CHCHD3: variants seen among roughly 807,000 people sequenced by gnomAD.
CHCHD3 encodes MICOS complex subunit MIC19.
In CHCHD3, 20 loss-of-function variants were observed where a neutral mutation model predicts 38.2. That is an observed-to-expected ratio of 0.52 (90% CI 0.37 to 0.76). CHCHD3 has a LOEUF of 0.76. CHCHD3 is among the 30% of genes least tolerant of loss of function. The pLI is 0.00. For synonymous variants in CHCHD3, 82 were observed against 100.0 expected, an observed-to-expected ratio of 0.82 and a Z score of 1.07; for missense variants, 245 against 279.2, an observed-to-expected ratio of 0.88 and a Z score of 0.87.
intron 4 of CHCHD3, among the ~76,000 whole-genome samples, chr7:132,894,709 T>C (rs967008936): frequency 3.9e-5 from 6 of 152,220 alleles, no homozygotes; most frequent in African/African-American, 1.4e-4. Context: ...TGAACTGCAC[T>C]GAGGGCAAGA....
intron 2 of CHCHD3, among the ~76,000 whole-genome samples, chr7:133,047,741 T>C (rs1240144950): frequency 2.6e-5 from 4 of 152,184 alleles, no homozygotes; most frequent in Admixed American, 2.6e-4. Flanking sequence ...AAAGGAGAGA[T>C]ACAGATAATC....
chr7:133,052,308 T>C (rs1486960706), intron 2 of CHCHD3, among the ~76,000 whole-genome samples: 1 of 151,934 alleles, frequency 6.6e-6, no homozygotes, highest in Non-Finnish European at 1.5e-5. Flanking sequence ...TACTAAATCC[T>C]CCCTCCCTCC....
Position 133,015,010 on chromosome 7 carries a change from C to T in CHCHD3, c.251+9536G>A, listed in dbSNP as rs141345698. ...CTGAACTCATGAGAAATTTAAACTG[C>T]CATTGTCACTGAAAATGTGCACAAA... On this transcript the variant is annotated intron_variant, in intron 3 of 7. Coordinates refer to ENST00000262570, the MANE Select transcript of CHCHD3 (RefSeq NM_017812.4). 5.1e-3 allele frequency among the ~76,000 whole-genome samples: 782 copies of T among 152,260 alleles called. 5 individuals are homozygous for T. Among genetic ancestry groups the T allele is most frequent in the South Asian group, 0.028 (135 of 4,824 alleles).
chr7:132,813,148 T>G (rs1166395717), intron 6 of CHCHD3, among the ~76,000 whole-genome samples: 1 of 152,188 alleles, frequency 6.6e-6, no homozygotes, highest in East Asian at 1.9e-4. Flanking sequence ...TGCTCAAACC[T>G]TTCCCCCTGA....
intron 6 of CHCHD3, among the ~76,000 whole-genome samples, chr7:132,818,869 C>G (rs894484896): frequency 1.3e-5 from 2 of 152,048 alleles, no homozygotes; most frequent in South Asian, 4.1e-4. Flanking sequence ...CTATTGATAC[C>G]GTCAAGAGAA....
At chr7:132,954,126 G>A (rs1457897189) in intron 4 of CHCHD3, among the ~76,000 whole-genome samples, 1 of 152,136 alleles carries the variant, frequency 6.6e-6, no homozygotes, top group African/African-American at 2.4e-5. Context: ...GGACAGGCAG[G>A]AGGGTTAGGG....
chr7:133,021,740 G>A (rs1813183620), intron 3 of CHCHD3, among the ~76,000 whole-genome samples: 1 of 152,150 alleles, frequency 6.6e-6, no homozygotes, highest in Admixed American at 6.5e-5. Context: ...TGTTACAACT[G>A]TGTCATGGGA....
chr7:133,013,188 A>AG, intron 3 of CHCHD3, among the ~76,000 whole-genome samples: 1 of 135,518 alleles, frequency 7.4e-6, no homozygotes, highest in Non-Finnish European at 1.6e-5. Flanking sequence ...TCCGCCTCAA[A>AG]AAAAAAAAAA....
chr7:132,843,919 T>A (rs1203234410), intron 5 of CHCHD3, among the ~76,000 whole-genome samples: 38 of 152,214 alleles, frequency 2.5e-4, no homozygotes, highest in Admixed American at 2.4e-3. Flanking sequence ...GATGTGTACA[T>A]TCCCTCCCAA....
chr7:132,936,696 T>C (rs1463857258), intron 4 of CHCHD3, among the ~76,000 whole-genome samples: 2 of 152,228 alleles, frequency 1.3e-5, no homozygotes, highest in East Asian at 1.9e-4. Flanking sequence ...CTCATTATTA[T>C]TAAACCTAAT....
At chr7:133,057,805 A>C (rs1814386634) in intron 2 of CHCHD3, among the ~76,000 whole-genome samples, 1 of 152,166 alleles carries the variant, frequency 6.6e-6, no homozygotes, top group Non-Finnish European at 1.5e-5. Flanking sequence ...TTGAGCAAAA[A>C]TACTTTTTCA....
At chr7:132,919,252 G>T (rs1043691338) in intron 4 of CHCHD3, among the ~76,000 whole-genome samples, 7 of 151,866 alleles carry the variant, frequency 4.6e-5, no homozygotes, top group Admixed American at 1.3e-4. Context: ...GGGACTACAG[G>T]CGCCCGCCAG....
rs184053710 is a variant in CHCHD3, at chr7:132,812,827, G to A, written c.525-16250C>T. On this transcript the variant is annotated intron_variant, in intron 6 of 7. Transcript: ENST00000262570. ...AACCCCTGCCTCCATCTCTCTCTACGACACTTTCTCACAATAGATTTCCCT... is the reference window on the plus strand; with the variant it reads ...AACCCCTGCCTCCATCTCTCTCTACAACACTTTCTCACAATAGATTTCCCT... Among the ~76,000 whole-genome samples, 305 of 152,174 alleles carry A rather than the reference G, an allele frequency of 2.0e-3. 1 individual carries two copies. Among genetic ancestry groups the A allele is most frequent in the Non-Finnish European group, 2.6e-3 (180 of 67,996 alleles).
chr7:132,856,047 A>G (rs1348901644), intron 5 of CHCHD3, among the ~76,000 whole-genome samples: 1 of 152,220 alleles, frequency 6.6e-6, no homozygotes, highest in Non-Finnish European at 1.5e-5. Context: ...AATTGTTCTT[A>G]GAAAGATCCC....
At chr7:133,021,548 A>T (rs374107519) in intron 3 of CHCHD3, among the ~76,000 whole-genome samples, 2 of 152,174 alleles carry the variant, frequency 1.3e-5, no homozygotes, top group East Asian at 3.9e-4. Flanking sequence ...TCGGAGTTAA[A>T]TTTCAGTCTT....
chr7:132,841,770 G>T (rs1807944897), intron 5 of CHCHD3, among the ~76,000 whole-genome samples: 1 of 152,154 alleles, frequency 6.6e-6, no homozygotes, highest in African/African-American at 2.4e-5. Context: ...TAAAAATGAG[G>T]TGTGGGCGTG....
intron 6 of CHCHD3, among the ~76,000 whole-genome samples, chr7:132,804,765 G>A (rs1806872646): frequency 1.3e-5 from 2 of 152,168 alleles, no homozygotes; most frequent in African/African-American, 4.8e-5. Context: ...ATACACACTG[G>A]AAGGACTGTG....
intron 4 of CHCHD3, among the ~76,000 whole-genome samples, chr7:132,909,445 C>T (rs556127400): frequency 3.3e-5 from 5 of 152,200 alleles, no homozygotes; most frequent in East Asian, 3.9e-4. Flanking sequence ...GGGCCAAGAT[C>T]GTGCCACTGC....
At chr7:132,840,675 C>T (rs1054640953) in intron 5 of CHCHD3, among the ~76,000 whole-genome samples, 2 of 152,088 alleles carry the variant, frequency 1.3e-5, no homozygotes, top group Admixed American at 6.5e-5. Flanking sequence ...TCACAGAGTA[C>T]ATCAACATCT....
Sources: gnomAD v4.1 joint callset for allele counts (sites outside exome capture counted in the v4.1 genomes callset) on GRCh38, gnomAD v4.1.1 for gene constraint, MANE v1.5 for transcripts, NCBI Gene and HGNC (gene_info 2026-07-23, HGNC 2026-07-21) for gene names.